The following SWT1 variants were observed in gnomAD, a reference collection of about 807,000 sequenced individuals.
The protein encoded by SWT1 is SWT1 RNA endoribonuclease homolog.
A neutral mutation model predicts 107.3 loss-of-function variants in SWT1; 33 were observed. The ratio of observed to expected loss-of-function variants is 0.31; its 90% CI spans 0.23 to 0.41. The LOEUF is 0.41. Ranked by LOEUF, SWT1 falls within the 10% of genes least tolerant of loss-of-function variation. SWT1 has a pLI of 1.00. For missense variants in SWT1, 898 were observed against 1,028.9 expected, an observed-to-expected ratio of 0.87 and a Z score of 1.74; for synonymous variants, 345 against 348.3, an observed-to-expected ratio of 0.99 and a Z score of 0.11.
chr1:185,284,300 G>T (rs776809843), intron 18 of SWT1, among the ~76,000 whole-genome samples: 3 of 152,146 alleles, frequency 2.0e-5, no homozygotes, highest in Non-Finnish European at 2.9e-5. Flanking sequence ...ATTTTTAGTG[G>T]GTTGGCTTTC....
intron 16 of SWT1, among the ~76,000 whole-genome samples, chr1:185,234,753 C>G (rs1660741664): frequency 6.6e-6 from 1 of 152,054 alleles, no homozygotes; most frequent in Non-Finnish European, 1.5e-5. Context: ...GTGGCTGGTA[C>G]CGGTTGTTCC....
chr1:185,175,307 G>T (rs1481024465), intron 5 of SWT1, among the ~76,000 whole-genome samples, 194 bp downstream of exon 5: 3 of 151,482 alleles, frequency 2.0e-5, no homozygotes, highest in African/African-American at 7.3e-5. Context: ...GCTCACTGCA[G>T]CCTTGACCTC....
intron 15 of SWT1, among the ~76,000 whole-genome samples, chr1:185,230,580 ATATATGAAT>A (rs1314495093): frequency 6.6e-6 from 1 of 152,214 alleles, no homozygotes; most frequent in Non-Finnish European, 1.5e-5. Flanking sequence ...TTCTGGGTGA[ATATATGAAT>A]TATGGGGGGA....
At chr1:185,169,982 A>G (rs1317263161) in intron 4 of SWT1, among the ~76,000 whole-genome samples, 2 of 152,164 alleles carry the variant, frequency 1.3e-5, no homozygotes, top group Admixed American at 1.3e-4. Flanking sequence ...AGAAATATGC[A>G]AGCAATTCTG....
intron 16 of SWT1, among the ~76,000 whole-genome samples, chr1:185,270,286 CTT>C (rs79137703): frequency 4.8e-5 from 5 of 104,818 alleles, no homozygotes; most frequent in African/African-American, 4.6e-5. Context: ...GTTTACTTTC[CTT>C]TTTTTTTTTT....
Position 185,175,008 on chromosome 1 carries a change from A to G in SWT1, c.861A>G (p.Leu287=), listed in dbSNP as rs143484621. ...TGACTAGGCAGAAAACTGAACATTT[A>G]CTTTCAGATTTTACATATAAGCGGA... The part of the protein sequence containing the change: ...LNVTRQKTEH[L]LSDFTYKRTV... Residue 287 remains leucine (L), a synonymous_variant, in exon 5 of 19, where the codon TTA becomes TTG. Transcript: ENST00000367500. 6.2e-7 allele frequency: 1 copy of G among 1,613,734 alleles called. No individual in the cohort carries two copies.
intron 5 of SWT1, among the ~76,000 whole-genome samples, chr1:185,177,551 T>C (rs1254862451): frequency 1.3e-5 from 2 of 152,204 alleles, no homozygotes; most frequent in East Asian, 3.8e-4. Flanking sequence ...GTCCTTATCT[T>C]GTGTATATTA....
intron 4 of SWT1, among the ~76,000 whole-genome samples, chr1:185,170,000 G>T (rs1215858604): frequency 3.9e-5 from 6 of 152,104 alleles, no homozygotes; most frequent in African/African-American, 1.4e-4. Context: ...CTGCTTCAAA[G>T]AAATTTGCAC....
intron 18 of SWT1, among the ~76,000 whole-genome samples, chr1:185,287,579 T>G (rs1024082293): frequency 6.6e-6 from 1 of 152,186 alleles, no homozygotes; most frequent in Non-Finnish European, 1.5e-5. Context: ...GAACTGCGTC[T>G]TACAATAGTG....
chr1:185,162,546 A>G (rs1654239864), intron 2 of SWT1, among the ~76,000 whole-genome samples: 1 of 152,086 alleles, frequency 6.6e-6, no homozygotes, highest in African/African-American at 2.4e-5. Flanking sequence ...TCGTTTTCCC[A>G]ATTTAATAAA....
rs922761704 is a variant in SWT1, at chr1:185,174,406, C to G, written c.259C>G (p.Pro87Ala). The G allele has an allele frequency of 1.9e-6, 3 of 1,580,644 alleles. No homozygotes were observed. The highest frequency in any genetic ancestry group is 2.6e-6 in the Non-Finnish European group (3 of 1,168,678). The change falls in exon 5 of 19, where the codon CCA becomes GCA. Residue 87 changes from proline to alanine, a missense_variant. By Grantham distance (27) the Pro-to-Ala change is conservative (BLOSUM62 -1). Around this residue, in one of 6 missense-constraint regions of SWT1, gnomAD observed 382 missense variants for 362.4 expected, o/e 1.05. Coordinates refer to ENST00000367500, the MANE Select transcript of SWT1 (RefSeq NM_017673.7). ...SVEIDTLRRR[P>A]KIGSSSQRPI... is the part of the protein sequence containing the mutation. Reference sequence around the variant, plus strand: ...AGAAATTGACACTCTCAGAAGGAGACCAAAAATCGGTTCTTCATCCCAAAG... The same window carrying G: ...AGAAATTGACACTCTCAGAAGGAGAGCAAAAATCGGTTCTTCATCCCAAAG...
intron 7 of SWT1, among the ~76,000 whole-genome samples, chr1:185,183,684 C>A (rs1234708991): frequency 1.3e-5 from 2 of 152,164 alleles, no homozygotes; most frequent in Non-Finnish European, 2.9e-5. Context: ...TGATCCATGA[C>A]AGAAGTTAGA....
At chr1:185,241,134 C>T (rs1197057859) in intron 16 of SWT1, among the ~76,000 whole-genome samples, 1 of 152,114 alleles carries the variant, frequency 6.6e-6, no homozygotes, top group South Asian at 2.1e-4. Context: ...TAGGCTACTT[C>T]TTTAAACTAG....
intron 16 of SWT1, among the ~76,000 whole-genome samples, chr1:185,265,036 C>G (rs944443043): frequency 1.3e-5 from 2 of 152,044 alleles, no homozygotes; most frequent in Non-Finnish European, 2.9e-5. Context: ...TCTTCCTATT[C>G]CCACCACCAA....
At chr1:185,232,590 G>C (rs1434248590) in intron 16 of SWT1, among the ~76,000 whole-genome samples, 1 of 152,172 alleles carries the variant, frequency 6.6e-6, no homozygotes, top group Non-Finnish European at 1.5e-5. Flanking sequence ...GCAGTGGCGG[G>C]AGGAAGGGTT....
chr1:185,247,202 A>G (rs1174318507), intron 16 of SWT1, among the ~76,000 whole-genome samples: 5 of 152,206 alleles, frequency 3.3e-5, no homozygotes, highest in African/African-American at 1.2e-4. Context: ...TTGAAAGCCA[A>G]TAAATAAGGT....
At chr1:185,226,859 T>G in intron 15 of SWT1, 1 of 1,533,930 alleles carries the variant, frequency 6.5e-7, no homozygotes, top group Non-Finnish European at 8.8e-7. Flanking sequence ...TCTTTTGAGC[T>G]ACCCGATCTT....
rs1657991076 is a variant in SWT1, at chr1:185,202,788, A to G, written c.1658A>G (p.Gln553Arg). ...CATCAGCCTTGTATTCCTAAGCAACAGTTGAAAGCAGGTAGTATTTTTACT... is the reference window on the plus strand; with the variant it reads ...CATCAGCCTTGTATTCCTAAGCAACGGTTGAAAGCAGGTAGTATTTTTACT... ...VCHQPCIPKQ[Q>R]LKAETTPLKE... is the part of the protein sequence containing the mutation. The change falls in exon 11 of 19, where the codon CAG becomes CGG. Residue 553 changes from glutamine to arginine, a missense_variant. Gln to Arg is a conservative substitution (Grantham distance 43). Transcript: ENST00000367500. 6 of 1,522,788 alleles carry G rather than the reference A, an allele frequency of 3.9e-6. No homozygotes were observed. Among genetic ancestry groups the G allele is most frequent in the Non-Finnish European group, 4.4e-6 (5 of 1,130,484 alleles). 94.3% of individuals were successfully genotyped at this position (1,522,788 alleles called of 1,614,324 possible).
At chr1:185,171,884 C>T (rs1313771828) in intron 4 of SWT1, among the ~76,000 whole-genome samples, 1 of 152,130 alleles carries the variant, frequency 6.6e-6, no homozygotes, top group South Asian at 2.1e-4. Flanking sequence ...GCACTTCAGC[C>T]TGGGTGATAG....
Sources: allele counts gnomAD v4.1 joint callset (sites outside exome capture counted in the v4.1 genomes callset), GRCh38; gene constraint gnomAD v4.1.1; regional missense constraint gnomAD v4.1.1; transcripts MANE v1.5; gene names NCBI Gene and HGNC (gene_info 2026-07-23, HGNC 2026-07-21).